The following POC5 variants were observed in gnomAD, a reference collection of about 807,000 sequenced individuals.
The protein encoded by POC5 is POC5 centriolar protein.
POC5 carries 48 observed loss-of-function variants against 62.9 expected under a neutral mutation model. That is an observed-to-expected ratio of 0.76 (90% CI 0.61 to 0.97). The LOEUF is 0.97. Among genes scored for constraint, POC5 ranks in the 50% least tolerant of loss-of-function variants. The probability of loss-of-function intolerance (pLI) is 0.00; values close to 1 mark genes in which losing one functional copy is unlikely to be tolerated. For synonymous variants in POC5, 236 were observed against 228.2 expected (o/e 1.03, Z -0.31); for missense variants, 696 against 679.5 (o/e 1.02, Z -0.27).
At chr5:75,698,568 G>A (rs1047804528) in intron 5 of POC5, among the ~76,000 whole-genome samples, 1 of 151,752 alleles carries the variant, frequency 6.6e-6, no homozygotes, top group African/African-American at 2.4e-5. Context: ...ATTCAATGCA[G>A]TGTGTAGAGG....
At chr5:75,679,470 G>A (rs934206392) in intron 10 of POC5, among the ~76,000 whole-genome samples, 2 of 152,132 alleles carry the variant, frequency 1.3e-5, no homozygotes, top group Non-Finnish European at 2.9e-5. Flanking sequence ...TGGGCTTCAG[G>A]AGAGATGTCT....
chr5:75,716,232 A>G (rs148501691), intron 1 of POC5, among the ~76,000 whole-genome samples: 65 of 152,256 alleles, frequency 4.3e-4, no homozygotes, highest in African/African-American at 1.4e-3. Context: ...GTCTTTAGTT[A>G]AGCCAATTAG....
intron 10 of POC5, among the ~76,000 whole-genome samples, chr5:75,684,651 C>A (rs6868069): frequency 0.24 from 37,208 of 151,980 alleles, 4,767 homozygotes; most frequent in South Asian, 0.32. Context: ...GCGTGAGCCA[C>A]CGCGCCCGGC....
chr5:75,687,727 T>C (rs1432913739), intron 9 of POC5, among the ~76,000 whole-genome samples: 3 of 152,244 alleles, frequency 2.0e-5, no homozygotes, highest in African/African-American at 2.4e-5. Context: ...AAGTAGGTTA[T>C]AAGAAACAGG....
intron 1 of POC5, among the ~76,000 whole-genome samples, chr5:75,714,688 T>C (rs995155673): frequency 3.9e-5 from 6 of 152,024 alleles, no homozygotes; most frequent in African/African-American, 1.2e-4. Context: ...GGAAGGACAA[T>C]GAGTGCCATA....
chr5:75,699,450 GA>G (rs1433208705), intron 5 of POC5, among the ~76,000 whole-genome samples: 1 of 151,494 alleles, frequency 6.6e-6, no homozygotes, highest in Non-Finnish European at 1.5e-5. Context: ...CATATAAACA[GA>G]ACCAAAGACA....
intron 10 of POC5, among the ~76,000 whole-genome samples, chr5:75,684,869 GCT>G: frequency 7.1e-6 from 1 of 140,408 alleles, no homozygotes; most frequent in East Asian, 2.0e-4. Flanking sequence ...TTACAAACAA[GCT>G]TTTTTTTTTT....
intron 5 of POC5, among the ~76,000 whole-genome samples, chr5:75,700,416 T>A (rs1262638250): frequency 2.0e-5 from 3 of 151,040 alleles, no homozygotes; most frequent in South Asian, 2.1e-4. Context: ...ATAATGCCGC[T>A]TATCTACAAC....
chr5:75,676,386 A>C (rs1170304358), intron 11 of POC5, among the ~76,000 whole-genome samples: 3 of 152,272 alleles, frequency 2.0e-5, no homozygotes, highest in East Asian at 3.9e-4. Flanking sequence ...ATGAAACCTA[A>C]GATAATTCTA....
chr5:75,712,607 C>T, intron 2 of POC5: 1 of 799,142 alleles, frequency 1.3e-6, no homozygotes, highest in Non-Finnish European at 2.1e-6. Flanking sequence ...TTTGTTTCAC[C>T]TCTTACTGTG....
Position 75,694,848 on chromosome 5 carries a change from G to A in POC5, c.514-17C>T. 3 of 1,468,430 alleles carry A rather than the reference G, an allele frequency of 2.0e-6. No homozygotes were observed. Among genetic ancestry groups the A allele is most frequent in the Non-Finnish European group, 2.8e-6 (3 of 1,077,300 alleles). The allele number at this position is 1,468,430 out of a possible 1,614,324, so 91.0% of individuals were successfully genotyped here. A position where few individuals can be genotyped will look rare whatever the true frequency, so the allele number is the denominator to read the frequency against. The stretch of plus-strand genomic sequence containing the variant: ...GATGTTTGTCTGAAAAATTAATATA[G>A]TGACAATTAAGTAGTTTGTTCGTTA... On this transcript the variant is annotated splice_polypyrimidine_tract_variant and intron_variant, in intron 5 of 11. Transcript: ENST00000428202.
At chr5:75,701,740 T>G (rs1403797312) in intron 5 of POC5, among the ~76,000 whole-genome samples, 2 of 151,728 alleles carry the variant, frequency 1.3e-5, no homozygotes, top group African/African-American at 4.8e-5. Context: ...AATAAATAAA[T>G]AAATAAATAA....
Position 75,715,309 on chromosome 5 carries a change from C to CAAAAAAAA in POC5, c.-15+1989_-15+1996dup, listed in dbSNP as rs922297009. On this transcript the variant is annotated intron_variant, in intron 1 of 11. Transcript: ENST00000428202. ...TGGGCGACAGAGTGAGACTCCGTCT[C>CAAAAAAAA]AAAAAAAAAAAAAAAAAAAAAGAAC... 1.7e-3 allele frequency among the ~76,000 whole-genome samples: 99 copies of CAAAAAAAA among 59,308 alleles called. 4 individuals carry two copies. Among genetic ancestry groups the CAAAAAAAA allele is most frequent in the African/African-American group, 5.9e-3 (95 of 16,096 alleles). 38.9% of individuals were successfully genotyped at this position (59,308 alleles called of 152,430 possible). A position where few individuals can be genotyped will look rare whatever the true frequency, so the allele number is the denominator to read the frequency against.
At chr5:75,712,167 GAATC>G (rs1253560484) in intron 2 of POC5, 30 of 239,104 alleles carry the variant, frequency 1.3e-4, no homozygotes, top group African/African-American at 6.3e-4. Flanking sequence ...ATATCGTACA[GAATC>G]AATAACAATT....
intron 2 of POC5, among the ~76,000 whole-genome samples, chr5:75,711,233 C>T (rs920308620): frequency 2.0e-5 from 3 of 152,082 alleles, no homozygotes. Context: ...AATTGCCAAA[C>T]ATAACCTCTG....
At chr5:75,696,253 G>C (rs533749283) in intron 5 of POC5, 3 of 152,720 alleles carry the variant, frequency 2.0e-5, no homozygotes, top group Admixed American at 1.3e-4. Context: ...CTCCACCTCT[G>C]GGGGCAGGGC....
Position 75,690,471 on chromosome 5 carries a change from C to A in POC5, c.887G>T (p.Trp296Leu). 6.2e-7 allele frequency: 1 copy of A among 1,611,268 alleles called. No homozygotes were observed. Among genetic ancestry groups the A allele is most frequent in the East Asian group, 2.2e-5 (1 of 44,836 alleles). Residue 296 changes from tryptophan (W) to leucine (L), a missense_variant, in exon 8 of 12, where the codon TGG becomes TTG. Physicochemically the swap from Trp to Leu is moderately conservative, Grantham distance 61. Transcript: ENST00000428202. Reference sequence around the variant, plus strand: ...ACAAGCTCTTTCTACCACATCTTTCCACTGCTTTTGCACTACGGAACGCCA... The same window carrying A: ...ACAAGCTCTTTCTACCACATCTTTCAACTGCTTTTGCACTACGGAACGCCA... ...KVWRSVVQKQ[W>L]KDVVERACQA...
At chr5:75,674,678 T>C in intron 11 of POC5, 100 bp from the exon 12 acceptor site, 5 of 1,421,730 alleles carry the variant, frequency 3.5e-6, no homozygotes, top group Non-Finnish European at 4.8e-6. Context: ...TAAACATTTG[T>C]TAAGATCCAG....
At chr5:75,714,066 T>C (rs1472542720) in intron 1 of POC5, among the ~76,000 whole-genome samples, 1 of 152,144 alleles carries the variant, frequency 6.6e-6, no homozygotes. Flanking sequence ...TCCAGCAGCG[T>C]TGAGGATGAA....
Sources: allele counts gnomAD v4.1 joint callset (sites outside exome capture counted in the v4.1 genomes callset), GRCh38; gene constraint gnomAD v4.1.1; transcripts MANE v1.5; gene names NCBI Gene and HGNC (gene_info 2026-07-23, HGNC 2026-07-21).